PRKG1: variants seen among roughly 807,000 people sequenced by gnomAD.
PRKG1 encodes cGMP-dependent protein kinase 1.
A neutral mutation model predicts 88.1 loss-of-function variants in PRKG1; 35 were observed. That is an observed-to-expected ratio of 0.40 (90% confidence interval 0.30 to 0.53). PRKG1 has a LOEUF of 0.53. Among genes scored for constraint, PRKG1 ranks in the 20% least tolerant of loss-of-function variants. PRKG1 has a pLI of 0.59. For synonymous variants in PRKG1, 303 were observed against 292.5 expected, an observed-to-expected ratio of 1.04 and a Z score of -0.37; for missense variants, 540 against 839.8, an observed-to-expected ratio of 0.64 and a Z score of 4.41.
intron 1 of PRKG1, among the ~76,000 whole-genome samples, chr10:51,023,864 T>C (rs1843169070): frequency 6.6e-6 from 1 of 152,234 alleles, no homozygotes; most frequent in Non-Finnish European, 1.5e-5. Flanking sequence ...CAATGTTCAC[T>C]TTAAAATTTA....
intron 1 of PRKG1, among the ~76,000 whole-genome samples, chr10:51,014,385 G>A (rs1433386254): frequency 6.6e-6 from 1 of 150,582 alleles, no homozygotes; most frequent in African/African-American, 2.4e-5. Flanking sequence ...GCCAACGTAA[G>A]ATGGCTTTGT....
At chr10:51,326,390 A>G (rs1287944609) in intron 2 of PRKG1, among the ~76,000 whole-genome samples, 1 of 152,214 alleles carries the variant, frequency 6.6e-6, no homozygotes, top group African/African-American at 2.4e-5. Flanking sequence ...TGGCATTCCT[A>G]TGGCTATTTA....
At chr10:51,169,557 A>G (rs886557476) in intron 2 of PRKG1, among the ~76,000 whole-genome samples, 1 of 146,884 alleles carries the variant, frequency 6.8e-6, no homozygotes, top group African/African-American at 2.7e-5. Context: ...GAGGTAAGCA[A>G]CATTGGAAGA....
rs10762185 is a variant in PRKG1 at position 51,526,449 on chromosome 10, C to A, written c.592+58613C>A. Among the ~76,000 whole-genome samples the A allele has an allele frequency of 2.0e-5, 3 of 152,300 alleles. No homozygotes were observed. The South Asian group carries it at 6.2e-4, about 32-fold the overall frequency. ...CCTAATATATATGGTTCACATTTGTCGTGGTTCACACTTTATTTGTATTGG... is the reference window on the plus strand; with the variant it reads ...CCTAATATATATGGTTCACATTTGTAGTGGTTCACACTTTATTTGTATTGG... On this transcript the variant is annotated intron_variant, in intron 3 of 17. Transcript: ENST00000373980.
intron 2 of PRKG1, among the ~76,000 whole-genome samples, chr10:51,338,156 G>A (rs1289174999): frequency 1.3e-5 from 2 of 152,194 alleles, no homozygotes; most frequent in East Asian, 3.8e-4. Context: ...AGTGGGAGCT[G>A]AACAATGAGA....
At chr10:51,347,843 C>T (rs887254486) in intron 2 of PRKG1, among the ~76,000 whole-genome samples, 5 of 151,934 alleles carry the variant, frequency 3.3e-5, no homozygotes, top group South Asian at 2.1e-4. Flanking sequence ...AGGCGGAACA[C>T]GAGGTCAGGA....
At chr10:51,213,609 A>G (rs958169156) in intron 2 of PRKG1, among the ~76,000 whole-genome samples, 8 of 152,270 alleles carry the variant, frequency 5.3e-5, no homozygotes, top group Non-Finnish European at 1.2e-4. Flanking sequence ...ATTATATTCA[A>G]TAGCCATGCC....
intron 5 of PRKG1, among the ~76,000 whole-genome samples, chr10:51,983,845 G>A (rs1236189161): frequency 1.3e-5 from 2 of 152,220 alleles, no homozygotes; most frequent in African/African-American, 2.4e-5. Context: ...CCCCAGAGTT[G>A]TTGGGGGTCA....
At chr10:51,363,343 C>A (rs1157267898) in intron 2 of PRKG1, among the ~76,000 whole-genome samples, 4 of 151,912 alleles carry the variant, frequency 2.6e-5, no homozygotes, top group Non-Finnish European at 5.9e-5. Context: ...GCTTTTACAA[C>A]TTTCTTTTCA....
intron 3 of PRKG1, among the ~76,000 whole-genome samples, chr10:51,653,679 G>T (rs1013995117): frequency 6.6e-6 from 1 of 151,858 alleles, no homozygotes; most frequent in Non-Finnish European, 1.5e-5. Context: ...CAATTCTCTT[G>T]CCTCAGCCTC....
chr10:52,020,427 C>G (rs532800325), intron 5 of PRKG1, among the ~76,000 whole-genome samples: 3 of 152,130 alleles, frequency 2.0e-5, no homozygotes, highest in Non-Finnish European at 4.4e-5. Context: ...ATAGTAACCT[C>G]AATTCTTGCC....
At chr10:51,649,552 T>G (rs1414657632) in intron 3 of PRKG1, among the ~76,000 whole-genome samples, 1 of 152,202 alleles carries the variant, frequency 6.6e-6, no homozygotes, top group African/African-American at 2.4e-5. Context: ...AACACTTAAA[T>G]AGGGCATATT....
chr10:52,093,523 G>C (rs1847103416), intron 7 of PRKG1, among the ~76,000 whole-genome samples: 1 of 152,056 alleles, frequency 6.6e-6, no homozygotes. Flanking sequence ...AAATCAATGT[G>C]AACTTCTTTA....
intron 2 of PRKG1, among the ~76,000 whole-genome samples, chr10:51,289,669 T>TGAGA (rs34176694): frequency 2.8e-4 from 41 of 148,468 alleles, no homozygotes; most frequent in African/African-American, 7.9e-4. Flanking sequence ...GTAGATTCCA[T>TGAGA]GAGAGAGAGA....
chr10:52,237,052 G>A (rs1374581351), intron 9 of PRKG1, among the ~76,000 whole-genome samples: 3 of 49,462 alleles, frequency 6.1e-5, no homozygotes, highest in Non-Finnish European at 1.6e-4. Context: ...TATAAACAGA[G>A]CCAAAGACAA....
At chr10:51,990,776 G>A (rs1036694806) in intron 5 of PRKG1, among the ~76,000 whole-genome samples, 6 of 152,038 alleles carry the variant, frequency 3.9e-5, no homozygotes, top group East Asian at 1.9e-4. Context: ...GTGTCCATGC[G>A]TTCTCATCAT....
chr10:51,450,347 T>A (rs666816), intron 2 of PRKG1, among the ~76,000 whole-genome samples: 52,964 of 151,610 alleles, frequency 0.35, 10,463 homozygotes, highest in African/African-American at 0.51. Flanking sequence ...TATAATGTTT[T>A]CATCTTTTAT....
At chr10:51,889,349 G>T (rs186540768) in intron 4 of PRKG1, among the ~76,000 whole-genome samples, 10 of 151,868 alleles carry the variant, frequency 6.6e-5, no homozygotes, top group Admixed American at 5.9e-4. Context: ...TGAGAATGAT[G>T]ATTTCCGGCT....
chr10:52,105,215 A>G (rs993478666), intron 7 of PRKG1, among the ~76,000 whole-genome samples: 2 of 152,196 alleles, frequency 1.3e-5, no homozygotes, highest in Non-Finnish European at 2.9e-5. Flanking sequence ...ACCAATTGGA[A>G]GAAACACATA....
Sources: allele counts gnomAD v4.1 joint callset (sites outside exome capture counted in the v4.1 genomes callset), GRCh38; gene constraint gnomAD v4.1.1; transcripts MANE v1.5; gene names NCBI Gene and HGNC (gene_info 2026-07-23, HGNC 2026-07-21).